The following KCNH8 variants were observed in gnomAD, a reference collection of about 807,000 sequenced individuals.
The protein encoded by KCNH8 is voltage-gated delayed rectifier potassium channel KCNH8.
A neutral mutation model predicts 103.6 loss-of-function variants in KCNH8; 70 were observed. The observed-to-expected ratio is 0.68, with a 90% confidence interval of 0.56 to 0.82. The LOEUF is 0.82. Among genes scored for constraint, KCNH8 ranks in the 40% least tolerant of loss-of-function variants. The pLI is 0.00. For missense variants in KCNH8, 1,217 were observed against 1,329.9 expected, an observed-to-expected ratio of 0.92 and a Z score of 1.32; for synonymous variants, 498 against 489.4, an observed-to-expected ratio of 1.02 and a Z score of -0.23.
chr3:19,376,908 A>G (rs555302246), intron 5 of KCNH8, among the ~76,000 whole-genome samples: 15 of 152,296 alleles, frequency 9.8e-5, no homozygotes, highest in Admixed American at 8.5e-4. Context: ...TTAAAAAAAT[A>G]TGAAGACATA....
At chr3:19,335,636 T>G (rs1008097563) in intron 3 of KCNH8, among the ~76,000 whole-genome samples, 2 of 151,648 alleles carry the variant, frequency 1.3e-5, no homozygotes, top group Non-Finnish European at 3.0e-5. Flanking sequence ...CTTGATAACC[T>G]TGACTTTAAC....
intron 7 of KCNH8, among the ~76,000 whole-genome samples, chr3:19,405,197 G>A (rs2066673299): frequency 2.0e-5 from 3 of 151,736 alleles, no homozygotes; most frequent in Non-Finnish European, 4.4e-5. Flanking sequence ...GTGAAATTGT[G>A]TAATTTTCTT....
intron 1 of KCNH8, among the ~76,000 whole-genome samples, chr3:19,252,576 G>C (rs930734977): frequency 4.0e-5 from 6 of 151,884 alleles, no homozygotes; most frequent in African/African-American, 1.5e-4. Flanking sequence ...TTTCAGTAGG[G>C]ATGGGGTTTC....
At chr3:19,249,341 G>C (rs1468718696) in intron 1 of KCNH8, among the ~76,000 whole-genome samples, 1 of 152,202 alleles carries the variant, frequency 6.6e-6, no homozygotes, top group Non-Finnish European at 1.5e-5. Flanking sequence ...CATGTAGCTA[G>C]TACACTGAGC....
intron 1 of KCNH8, among the ~76,000 whole-genome samples, chr3:19,188,827 A>G (rs2063525950): frequency 6.6e-6 from 1 of 151,982 alleles, no homozygotes; most frequent in Admixed American, 6.6e-5. Context: ...TTTTGTTTGT[A>G]GAGAGAGGGT....
chr3:19,477,419 GTTTTC>G (rs1437731618), intron 11 of KCNH8, among the ~76,000 whole-genome samples: 16 of 147,564 alleles, frequency 1.1e-4, no homozygotes, highest in African/African-American at 3.6e-4. Context: ...GATTTTTTTG[GTTTTC>G]TTTTTTTTTT....
intron 11 of KCNH8, among the ~76,000 whole-genome samples, chr3:19,477,202 C>T (rs909337574): frequency 7.9e-5 from 12 of 152,144 alleles, no homozygotes; most frequent in South Asian, 6.2e-4. Context: ...GCAAGTGGGA[C>T]GGACCCATGC....
intron 1 of KCNH8, among the ~76,000 whole-genome samples, chr3:19,165,373 C>T (rs756935211): frequency 1.3e-5 from 2 of 152,180 alleles, no homozygotes; most frequent in African/African-American, 2.4e-5. Flanking sequence ...GACTATTGAA[C>T]GTAAACTATT....
intron 7 of KCNH8, among the ~76,000 whole-genome samples, chr3:19,424,063 TC>T (rs1483538846): frequency 5.3e-5 from 8 of 152,024 alleles, no homozygotes; most frequent in Non-Finnish European, 8.8e-5. Flanking sequence ...TCAGTGCAGT[TC>T]CCATCAACAT....
intron 5 of KCNH8, among the ~76,000 whole-genome samples, chr3:19,381,085 C>A (rs556832051): frequency 4.2e-4 from 64 of 152,228 alleles, no homozygotes; most frequent in South Asian, 6.2e-4. Flanking sequence ...CGTTTAAAGT[C>A]AAATATATTA....
chr3:19,420,030 G>A (rs2066927788), intron 7 of KCNH8, among the ~76,000 whole-genome samples: 1 of 151,980 alleles, frequency 6.6e-6, no homozygotes, highest in African/African-American at 2.4e-5. Context: ...CCTAGACCCT[G>A]TACTTACTAT....
intron 1 of KCNH8, among the ~76,000 whole-genome samples, chr3:19,216,726 T>G (rs189573594): frequency 5.1e-4 from 77 of 152,366 alleles, no homozygotes; most frequent in Admixed American, 3.2e-3. Flanking sequence ...TGCTCACTCA[T>G]TGATACATCA....
chr3:19,351,981 T>C (rs993678799), intron 5 of KCNH8, among the ~76,000 whole-genome samples: 6 of 152,076 alleles, frequency 3.9e-5, no homozygotes, highest in Non-Finnish European at 8.8e-5. Context: ...TGTGCTGTAT[T>C]CAGGAGACCC....
At chr3:19,517,243 T>C (rs924491180) in intron 14 of KCNH8, among the ~76,000 whole-genome samples, 3 of 152,090 alleles carry the variant, frequency 2.0e-5, no homozygotes, top group Non-Finnish European at 2.9e-5. Context: ...ATTCGTTGAA[T>C]GAATGGATTA....
chr3:19,242,016 G>A (rs1181661748), intron 1 of KCNH8, among the ~76,000 whole-genome samples: 5 of 152,146 alleles, frequency 3.3e-5, no homozygotes, highest in Admixed American at 2.0e-4. Flanking sequence ...AAAACAGGGA[G>A]AAGAAACTAC....
At chr3:19,400,255 A>AG (rs1553590185) in intron 7 of KCNH8, among the ~76,000 whole-genome samples, 2 of 149,494 alleles carry the variant, frequency 1.3e-5, no homozygotes, top group African/African-American at 4.9e-5. Context: ...AAAAAAAAAA[A>AG]GCATCATAAT....
intron 1 of KCNH8, among the ~76,000 whole-genome samples, chr3:19,167,536 C>T (rs2063297765): frequency 6.6e-6 from 1 of 152,170 alleles, no homozygotes; most frequent in South Asian, 2.1e-4. Context: ...TACTTTCCCT[C>T]TCAAAATAAG....
At chr3:19,396,112 T>G (rs558054281) in intron 7 of KCNH8, among the ~76,000 whole-genome samples, 49 of 152,152 alleles carry the variant, frequency 3.2e-4, no homozygotes, top group African/African-American at 1.1e-3. Flanking sequence ...GAATTTTTTT[T>G]TATTAATCTG....
chr3:19,414,055 T>C (rs4021207), intron 7 of KCNH8, among the ~76,000 whole-genome samples: 5,338 of 152,156 alleles, frequency 0.035, 228 homozygotes, highest in East Asian at 0.21. Context: ...TGGGAAATCC[T>C]TCACCCCATA....
Sources: gnomAD v4.1 joint callset for allele counts (sites outside exome capture counted in the v4.1 genomes callset) on GRCh38, gnomAD v4.1.1 for gene constraint, MANE v1.5 for transcripts, NCBI Gene and HGNC (gene_info 2026-07-23, HGNC 2026-07-21) for gene names.